ANKRD17: variants seen among roughly 807,000 people sequenced by gnomAD.
The protein encoded by ANKRD17 is ankyrin repeat domain 17, also known as ankyrin repeat domain-containing protein 17.
A neutral mutation model predicts 229.7 loss-of-function variants in ANKRD17; 19 were observed. The observed-to-expected ratio is 0.08, with a 90% confidence interval of 0.06 to 0.12. The LOEUF (loss-of-function observed/expected upper bound fraction) is 0.12, where lower values mean the gene tolerates loss of function less well. Among genes scored for constraint, ANKRD17 ranks in the 10% least tolerant of loss-of-function variants. The probability of loss-of-function intolerance (pLI) is 1.00; values close to 1 mark genes in which losing one functional copy is unlikely to be tolerated. For synonymous variants in ANKRD17, 1,112 were observed against 1,146.1 expected (o/e 0.97, Z 0.60); for missense variants, 2,176 against 3,176.8 (o/e 0.68, Z 7.57).
At chr4:73,227,137 C>G (rs1422268941) in intron 1 of ANKRD17, among the ~76,000 whole-genome samples, 1 of 152,056 alleles carries the variant, frequency 6.6e-6, no homozygotes, top group Non-Finnish European at 1.5e-5. Context: ...ATCCTAAAAA[C>G]AAGCCACCTT....
chr4:73,074,023 T>C lies in ANKRD17; in HGVS notation c.*2208A>G. On this transcript the variant is annotated 3_prime_UTR_variant, in exon 34 of 34. Transcript: ENST00000358602. ...TCAAATAAAAGTGCACTGCATTACA[T>C]CTGAAATATAAAAAATGTATTTTAA... 1 of 152,150 alleles carries C rather than the reference T, an allele frequency of 6.6e-6. No individual in the cohort carries two copies. Among genetic ancestry groups the C allele is most frequent in the South Asian group, 2.1e-4 (1 of 4,830 alleles). The allele number at this position is 152,150 out of a possible 1,614,324, so 9.4% of individuals were successfully genotyped here. A position where few individuals can be genotyped will look rare whatever the true frequency, so the allele number is the denominator to read the frequency against.
intron 2 of ANKRD17, among the ~76,000 whole-genome samples, chr4:73,167,354 C>T (rs1198820556): frequency 2.0e-5 from 3 of 151,850 alleles, no homozygotes; most frequent in African/African-American, 7.3e-5. Flanking sequence ...TGTTAGCTAC[C>T]ATAAAGAAAA....
At chr4:73,173,404 C>T (rs939413712) in intron 2 of ANKRD17, among the ~76,000 whole-genome samples, 1 of 152,114 alleles carries the variant, frequency 6.6e-6, no homozygotes, top group Non-Finnish European at 1.5e-5. Context: ...AGAAAATCAA[C>T]AAAGAAACAT....
chr4:73,116,054 G>C (rs1210103227), intron 22 of ANKRD17, 138 bp from the exon 23 acceptor site: 6 of 668,940 alleles, frequency 9.0e-6, no homozygotes, highest in African/African-American at 1.8e-5. Context: ...AAATGAAAAA[G>C]AGACAGGCTT....
In ANKRD17 at chr4:73,125,290, G is replaced by A. The variant is rs745723313; in HGVS notation, c.3257C>T (p.Ala1086Val). ...DAQTESNHDT[A>V]LTLACAGGHE... is the part of the protein sequence containing the mutation. ...GCCACCAGCACAGGCAAGTGTTAGT[G>A]CCGTGTCATGATTACTCTCAGTCTA... The change falls in exon 17 of 34, where the codon GCA (alanine) becomes GTA (valine). Residue 1086 changes from alanine (A) to valine (V), a missense_variant. Transcript: ENST00000358602. 3.7e-6 allele frequency: 6 copies of A among 1,611,302 alleles called. No individual in the cohort carries two copies. Among genetic ancestry groups the A allele is most frequent in the African/African-American group, 2.7e-5 (2 of 74,590 alleles).
chr4:73,248,584 G>C (rs1236439544), intron 1 of ANKRD17, among the ~76,000 whole-genome samples: 1 of 151,842 alleles, frequency 6.6e-6, no homozygotes, highest in African/African-American at 2.4e-5. Flanking sequence ...TATACTAATA[G>C]TGATAAAACT....
chr4:73,143,838 C>A (rs1439247209), intron 11 of ANKRD17, among the ~76,000 whole-genome samples: 1 of 152,004 alleles, frequency 6.6e-6, no homozygotes, highest in Non-Finnish European at 1.5e-5. Flanking sequence ...ACTCCTGAGC[C>A]CAAGTGCTTC....
chr4:73,097,934 C>T, intron 26 of ANKRD17, 139 bp downstream of exon 26: 1 of 639,756 alleles, frequency 1.6e-6, no homozygotes. Flanking sequence ...TTCTTCAATT[C>T]AATTGAAACA....
At chr4:73,170,277 C>T (rs778180792) in intron 2 of ANKRD17, among the ~76,000 whole-genome samples, 24 of 152,030 alleles carry the variant, frequency 1.6e-4, no homozygotes, top group Non-Finnish European at 2.6e-4. Context: ...TGAGGCCCCC[C>T]ATTCCAGACC....
intron 1 of ANKRD17, among the ~76,000 whole-genome samples, chr4:73,179,519 T>TA (rs1491097354): frequency 0.014 from 517 of 35,664 alleles, 2 homozygotes; most frequent in African/African-American, 0.025. Flanking sequence ...TATATATATA[T>TA]TTTTTTTTTT....
intron 30 of ANKRD17, among the ~76,000 whole-genome samples, chr4:73,082,156 TA>T (rs11367760): frequency 0.65 from 84,403 of 129,130 alleles, 27,186 homozygotes; most frequent in African/African-American, 0.8. Flanking sequence ...TCTTTTTATT[TA>T]AAAAAAAAAA....
intron 3 of ANKRD17, among the ~76,000 whole-genome samples, chr4:73,157,913 C>T (rs2148896314): frequency 6.6e-6 from 1 of 152,076 alleles, no homozygotes; most frequent in African/African-American, 2.4e-5. Flanking sequence ...CACGGTGAAA[C>T]CCTGTCTCTA....
chr4:73,166,603 AAC>A (rs1578247563), intron 2 of ANKRD17, among the ~76,000 whole-genome samples: 1 of 152,216 alleles, frequency 6.6e-6, no homozygotes, highest in Non-Finnish European at 1.5e-5. Context: ...TACATAAGGA[AAC>A]ACACAGCATT....
chr4:73,090,859 A>G lies in ANKRD17; in HGVS notation c.6769T>C (p.Leu2257=), dbSNP rs751725755. ...GCAGAAGTAGGGCTGTTTTCAAACAATGTGCTAAAGGGCCCAAATGGTAAG... is the reference window on the plus strand; with the variant it reads ...GCAGAAGTAGGGCTGTTTTCAAACAGTGTGCTAAAGGGCCCAAATGGTAAG... ...APLPFGPFST[L]FENSPTSAHA... The change falls in exon 29 of 34, where the codon TTG becomes CTG. Residue 2257 remains leucine (L), a synonymous_variant. Transcript: ENST00000358602. 1 of 1,614,240 alleles carries G rather than the reference A, an allele frequency of 6.2e-7. No individual in the cohort carries two copies. The highest frequency in any genetic ancestry group is 1.7e-5 in the Admixed American group (1 of 60,030).
chr4:73,121,309 T>A (rs1449428838), intron 19 of ANKRD17, among the ~76,000 whole-genome samples: 1 of 152,158 alleles, frequency 6.6e-6, no homozygotes, highest in East Asian at 1.9e-4. Flanking sequence ...ACATAATGAC[T>A]TAGGCTGGAA....
intron 1 of ANKRD17, among the ~76,000 whole-genome samples, chr4:73,183,159 G>C (rs1388467289): frequency 6.6e-6 from 1 of 152,158 alleles, no homozygotes; most frequent in Non-Finnish European, 1.5e-5. Flanking sequence ...GAATTACAGA[G>C]ACTCGAGAGA....
At chr4:73,223,187 G>T (rs1407007949) in intron 1 of ANKRD17, 1 of 590,482 alleles carries the variant, frequency 1.7e-6, no homozygotes, top group African/African-American at 1.9e-5. Flanking sequence ...AAGAGCAGGG[G>T]GTGACTCACT....
At chr4:73,229,523 T>C (rs1026240857) in intron 1 of ANKRD17, among the ~76,000 whole-genome samples, 2 of 151,440 alleles carry the variant, frequency 1.3e-5, no homozygotes, top group African/African-American at 4.9e-5. Flanking sequence ...CCTCCTCTCA[T>C]CTAACTTCAA....
chr4:73,082,565 G>T (rs1261109079), intron 30 of ANKRD17, among the ~76,000 whole-genome samples: 1 of 151,896 alleles, frequency 6.6e-6, no homozygotes, highest in Admixed American at 6.6e-5. Flanking sequence ...GAAAGGAGAA[G>T]AACAAAAAGT....
Sources: allele counts gnomAD v4.1 joint callset (sites outside exome capture counted in the v4.1 genomes callset), GRCh38; gene constraint gnomAD v4.1.1; transcripts MANE v1.5; gene names NCBI Gene and HGNC (gene_info 2026-07-23, HGNC 2026-07-21).